The following TAX1BP1 variants were observed in gnomAD, a reference collection of about 807,000 sequenced individuals.
The protein encoded by TAX1BP1 is Tax1 binding protein 1, also known as tax1-binding protein 1.
TAX1BP1 carries 62 observed loss-of-function variants against 97.7 expected under a neutral mutation model. That is an observed-to-expected ratio of 0.63 (90% CI 0.52 to 0.78). TAX1BP1 has a LOEUF of 0.78. Ranked by LOEUF, TAX1BP1 falls within the 30% of genes least tolerant of loss-of-function variation. The probability of loss-of-function intolerance (pLI) is 0.00; values close to 1 mark genes in which losing one functional copy is unlikely to be tolerated. For missense variants in TAX1BP1, 867 were observed against 916.1 expected (o/e 0.95, Z 0.69); for synonymous variants, 340 against 304.2 (o/e 1.12, Z -1.23).
At chr7:27,766,168 C>G (rs1788625504) in intron 4 of TAX1BP1, 147 bp downstream of exon 4, 1 of 767,816 alleles carries the variant, frequency 1.3e-6, no homozygotes, top group Non-Finnish European at 2.1e-6. Flanking sequence ...CGCCTGTAAT[C>G]CCGGCACTCT....
chr7:27,828,652 C>A lies in TAX1BP1; in HGVS notation c.2193C>A (p.Pro731=), dbSNP rs751292434. 6.2e-7 allele frequency: 1 copy of A among 1,613,562 alleles called. No individual in the cohort carries two copies. The highest frequency in any genetic ancestry group is 1.3e-5 in the African/African-American group (1 of 74,834). The change falls in exon 17 of 17, where the codon CCC becomes CCA. Residue 731 remains proline, a synonymous_variant. Transcript: ENST00000396319. Reference sequence around the variant, plus strand: ...GCTTTGATGTTCACAAGAAGTGTCCCCTCTGTGAGTTAATGTTTCCTCCTA... The same window carrying A: ...GCTTTGATGTTCACAAGAAGTGTCCACTCTGTGAGTTAATGTTTCCTCCTA... The part of the protein sequence containing the change: ...DSSFDVHKKC[P]LCELMFPPNY...
Position 27,769,806 on chromosome 7 carries a change from G to T in TAX1BP1, c.584G>T (p.Arg195Ile). ...MERELNHEKE[R>I]CDQLQAEQKG... ...AGAGAACTTAACCATGAGAAAGAAA[G>T]ATGTGACCAACTGCAAGCAGAACAA... is the stretch of plus-strand genomic sequence containing the variant. The change falls in exon 5 of 17, where the codon AGA becomes ATA. Residue 195 changes from arginine to isoleucine, a missense_variant. By Grantham distance (97) the Arg-to-Ile change is moderately conservative. Around this residue, in one of 3 missense-constraint regions of TAX1BP1, gnomAD observed 822 missense variants for 851.4 expected, o/e 0.97. Coordinates refer to ENST00000396319, the MANE Select transcript of TAX1BP1 (RefSeq NM_006024.7). 6.2e-7 allele frequency: 1 copy of T among 1,612,292 alleles called. No individual in the cohort carries two copies. The highest frequency in any genetic ancestry group is 8.5e-7 in the Non-Finnish European group (1 of 1,178,878).
At chr7:27,803,299 A>C (rs1486538634) in intron 13 of TAX1BP1, 1 of 959,626 alleles carries the variant, frequency 1.0e-6, no homozygotes, top group South Asian at 3.1e-5. Flanking sequence ...TTAGGAAAAC[A>C]GTGAAATTTC....
At chr7:27,798,108 T>G (rs571861311) in intron 12 of TAX1BP1, among the ~76,000 whole-genome samples, 1 of 152,332 alleles carries the variant, frequency 6.6e-6, no homozygotes, top group African/African-American at 2.4e-5. Context: ...TCATGTAATA[T>G]GTACTTTTTT....
chr7:27,815,823 CAGG>C (rs1385057941), intron 13 of TAX1BP1, among the ~76,000 whole-genome samples: 4 of 152,032 alleles, frequency 2.6e-5, no homozygotes, highest in Non-Finnish European at 2.9e-5. Context: ...ATCAAGAGGT[CAGG>C]AGTTCAAGAC....
chr7:27,750,546 G>A (rs901510551), intron 2 of TAX1BP1, among the ~76,000 whole-genome samples: 2 of 152,190 alleles, frequency 1.3e-5, no homozygotes, highest in Admixed American at 1.3e-4. Flanking sequence ...CTTCAGTTAG[G>A]GAAGTTGTGG....
intron 13 of TAX1BP1, among the ~76,000 whole-genome samples, chr7:27,801,783 T>C (rs1790148168): frequency 6.6e-6 from 1 of 152,200 alleles, no homozygotes; most frequent in South Asian, 2.1e-4. Flanking sequence ...AGTTGGTAAA[T>C]GTGTTTGGCT....
chr7:27,793,209 A>C lies in TAX1BP1; in HGVS notation c.1407A>C (p.Gln469His). The change falls in exon 10 of 17, where the codon CAA (glutamine) becomes CAC (histidine). Residue 469 changes from glutamine (Q) to histidine (H), a missense_variant. Gln to His is a conservative substitution (Grantham distance 24). Around this residue, in one of 3 missense-constraint regions of TAX1BP1, gnomAD observed 822 missense variants for 851.4 expected, o/e 0.97. Transcript: ENST00000396319. ...AACAAATAAACAAACTTTCAGATCAATCAGTAAGTATCATTAAATTTACAC... is the reference window on the plus strand; with the variant it reads ...AACAAATAAACAAACTTTCAGATCACTCAGTAAGTATCATTAAATTTACAC... ...LQKQINKLSD[Q>H]SANNNNVFTK... 6.4e-7 allele frequency: 1 copy of C among 1,570,584 alleles called. No individual in the cohort carries two copies. Among genetic ancestry groups the C allele is most frequent in the African/African-American group, 1.4e-5 (1 of 71,896 alleles).
intron 13 of TAX1BP1, among the ~76,000 whole-genome samples, chr7:27,807,446 T>C (rs1704859234): frequency 6.6e-6 from 1 of 152,176 alleles, no homozygotes. Flanking sequence ...CTTTATAGCC[T>C]TTCTTAACCT....
At chr7:27,749,039 A>G (rs2128307383) in intron 2 of TAX1BP1, among the ~76,000 whole-genome samples, 1 of 152,322 alleles carries the variant, frequency 6.6e-6, no homozygotes, top group African/African-American at 2.4e-5. Context: ...TTAATTTTAT[A>G]CAGCTTGACA....
chr7:27,746,388 T>TC (rs1787817885), intron 1 of TAX1BP1, among the ~76,000 whole-genome samples: 1 of 61,528 alleles, frequency 1.6e-5, no homozygotes, highest in African/African-American at 4.1e-5. Context: ...TTTTTTTTTC[T>TC]TTTTTTTTTA....
chr7:27,771,094 G>GC (rs1788827525), intron 5 of TAX1BP1, among the ~76,000 whole-genome samples: 2 of 95,554 alleles, frequency 2.1e-5, no homozygotes, highest in South Asian at 8.2e-4. Flanking sequence ...AGGACATTCA[G>GC]CAATTTTTTT....
chr7:27,796,682 T>C (rs2128319241), intron 12 of TAX1BP1, among the ~76,000 whole-genome samples: 1 of 152,042 alleles, frequency 6.6e-6, no homozygotes, highest in East Asian at 1.9e-4. Flanking sequence ...GCCAACATGG[T>C]GAAACCCTGT....
chr7:27,782,283 C>G (rs1789291182), intron 5 of TAX1BP1, among the ~76,000 whole-genome samples: 1 of 151,946 alleles, frequency 6.6e-6, no homozygotes, highest in African/African-American at 2.4e-5. Flanking sequence ...GTCGCCCAGG[C>G]TGGAGTGCAG....
chr7:27,756,480 A>G (rs1473814315), intron 2 of TAX1BP1, among the ~76,000 whole-genome samples: 1 of 152,126 alleles, frequency 6.6e-6, no homozygotes, highest in African/African-American at 2.4e-5. Context: ...CACTTATGTG[A>G]TAGGCACTGT....
chr7:27,762,172 TGTG>T (rs1788453142), intron 3 of TAX1BP1, among the ~76,000 whole-genome samples: 2 of 152,214 alleles, frequency 1.3e-5, no homozygotes, highest in African/African-American at 2.4e-5. Flanking sequence ...GGATAAAACT[TGTG>T]GTGAAATATG....
chr7:27,803,611 A>G (rs1790225239), intron 13 of TAX1BP1, among the ~76,000 whole-genome samples: 1 of 152,240 alleles, frequency 6.6e-6, no homozygotes, highest in Non-Finnish European at 1.5e-5. Context: ...GTGTATTATT[A>G]TGAATTAAGG....
At chr7:27,797,668 G>A (rs932627204) in intron 12 of TAX1BP1, among the ~76,000 whole-genome samples, 1 of 151,480 alleles carries the variant, frequency 6.6e-6, no homozygotes, top group African/African-American at 2.4e-5. Context: ...AGAGAATCCT[G>A]TGGAAGGGTT....
chr7:27,759,575 CTTTA>C (rs1788348687), intron 3 of TAX1BP1, among the ~76,000 whole-genome samples: 1 of 151,914 alleles, frequency 6.6e-6, no homozygotes, highest in Non-Finnish European at 1.5e-5. Context: ...CTATTGAGAA[CTTTA>C]TTTGCCTTTA....
Sources: allele counts gnomAD v4.1 joint callset (sites outside exome capture counted in the v4.1 genomes callset), GRCh38; gene constraint gnomAD v4.1.1; regional missense constraint gnomAD v4.1.1; transcripts MANE v1.5; gene names NCBI Gene and HGNC (gene_info 2026-07-23, HGNC 2026-07-21).